ZNF407: variants seen among roughly 807,000 people sequenced by gnomAD.
ZNF407 encodes zinc finger protein 407.
A neutral mutation model predicts 131.2 loss-of-function variants in ZNF407; 17 were observed. The observed-to-expected ratio is 0.13, with a 90% CI of 0.09 to 0.19. The LOEUF is 0.19. Among genes scored for constraint, ZNF407 ranks in the 10% least tolerant of loss-of-function variants. The pLI, the probability that ZNF407 is intolerant of heterozygous loss-of-function variation, is 1.00. For missense variants in ZNF407, 2,681 were observed against 2,830.6 expected, an observed-to-expected ratio of 0.95 and a Z score of 1.20; for synonymous variants, 1,156 against 1,062.0, an observed-to-expected ratio of 1.09 and a Z score of -1.72.
intron 5 of ZNF407, among the ~76,000 whole-genome samples, chr18:74,878,397 G>A (rs1178590612): frequency 2.0e-5 from 3 of 152,156 alleles, no homozygotes; most frequent in East Asian, 3.9e-4. Flanking sequence ...CAAGCAGTTT[G>A]TGGGAAGCCC....
chr18:75,041,645 C>CAG (rs1272749464), intron 8 of ZNF407, among the ~76,000 whole-genome samples: 4 of 151,934 alleles, frequency 2.6e-5, no homozygotes, highest in African/African-American at 9.7e-5. Context: ...CACACACACA[C>CAG]ACACACACAC....
At chr18:74,878,499 G>A (rs1971190782) in intron 5 of ZNF407, among the ~76,000 whole-genome samples, 1 of 152,148 alleles carries the variant, frequency 6.6e-6, no homozygotes, top group Admixed American at 6.5e-5. Flanking sequence ...CAGATGAAAA[G>A]CCAGTGCAGA....
At chr18:74,793,674 AG>A (rs1475723782) in intron 4 of ZNF407, among the ~76,000 whole-genome samples, 1 of 152,214 alleles carries the variant, frequency 6.6e-6, no homozygotes. Flanking sequence ...TAACTTGAGC[AG>A]CTATTCAACT....
In ZNF407 at chr18:74,802,990, A is replaced by G. The variant is rs184375858; in HGVS notation, c.4877+21488A>G. ...TTTCAGGGTATCTCAGGCCATATAG[A>G]ATTCAAAAGTTATAAATTTGGAGTG... On this transcript the variant is annotated intron_variant, in intron 4 of 8. Transcript: ENST00000299687. Among the ~76,000 whole-genome samples, 13 of 152,102 alleles carry G rather than the reference A, an allele frequency of 8.5e-5. No individual in the cohort carries two copies. The East Asian group carries it at 2.5e-3, about 29-fold the overall frequency.
intron 1 of ZNF407, among the ~76,000 whole-genome samples, chr18:74,623,717 TC>T (rs1983666392): frequency 6.6e-6 from 1 of 151,840 alleles, no homozygotes; most frequent in Admixed American, 6.6e-5. Context: ...CTTTTTTTTT[TC>T]TTTTAAATCA....
chr18:74,842,937 G>A (rs977976498), intron 4 of ZNF407, among the ~76,000 whole-genome samples: 6 of 151,914 alleles, frequency 3.9e-5, no homozygotes, highest in Non-Finnish European at 8.8e-5. Context: ...GGCTTCTCTC[G>A]AACTCCTGAC....
chr18:74,823,028 G>C (rs1186907917), intron 4 of ZNF407, among the ~76,000 whole-genome samples: 2 of 152,076 alleles, frequency 1.3e-5, no homozygotes, highest in African/African-American at 4.8e-5. Context: ...TCTTTGTAGC[G>C]ATTGTGAATG....
chr18:74,692,646 T>C (rs972897295), intron 3 of ZNF407, among the ~76,000 whole-genome samples: 1 of 152,160 alleles, frequency 6.6e-6, no homozygotes, highest in Non-Finnish European at 1.5e-5. Context: ...TAGCGGTAGC[T>C]GATACCTCAC....
chr18:74,939,605 G>T (rs1972074925), intron 8 of ZNF407, among the ~76,000 whole-genome samples: 1 of 152,168 alleles, frequency 6.6e-6, no homozygotes, highest in South Asian at 2.1e-4. Flanking sequence ...ACAGTGAGAT[G>T]CCCCTTTTTA....
At chr18:74,982,604 G>A (rs1052665639) in intron 8 of ZNF407, among the ~76,000 whole-genome samples, 2 of 152,168 alleles carry the variant, frequency 1.3e-5, no homozygotes, top group Non-Finnish European at 2.9e-5. Flanking sequence ...TACTCCAGTG[G>A]CCAGTAATCA....
intron 7 of ZNF407, among the ~76,000 whole-genome samples, chr18:74,904,482 G>A (rs1971569223): frequency 6.6e-6 from 1 of 152,222 alleles, no homozygotes; most frequent in African/African-American, 2.4e-5. Flanking sequence ...GTGGGTGACA[G>A]TCCAGCTTAG....
At chr18:74,675,530 T>C (rs1255428741) in intron 3 of ZNF407, among the ~76,000 whole-genome samples, 2 of 152,100 alleles carry the variant, frequency 1.3e-5, no homozygotes, top group African/African-American at 4.8e-5. Context: ...AGTAGTAGAG[T>C]CAAACAAAGA....
intron 3 of ZNF407, among the ~76,000 whole-genome samples, chr18:74,767,966 C>G (rs1969279994): frequency 6.6e-6 from 1 of 151,740 alleles, no homozygotes; most frequent in Non-Finnish European, 1.5e-5. Flanking sequence ...CGCCCTGCCC[C>G]TGAGTTCTCA....
chr18:74,632,811 T>G lies in ZNF407; in HGVS notation c.1792T>G (p.Leu598Val). 6.2e-7 allele frequency: 1 copy of G among 1,613,962 alleles called. No individual in the cohort carries two copies. The highest frequency in any genetic ancestry group is 8.5e-7 in the Non-Finnish European group (1 of 1,179,882). The change falls in exon 2 of 9, where the codon TTG becomes GTG. Residue 598 changes from leucine (L) to valine (V), a missense_variant. By Grantham distance (32) the Leu-to-Val change is conservative. Around this residue, in one of 6 missense-constraint regions of ZNF407, gnomAD observed 1,789 missense variants for 1,748.7 expected, o/e 1.02. Transcript: ENST00000299687. Reference sequence around the variant, plus strand: ...TTGTCAGTGTTGTTCATTTATATCCTTGGATGAAATAAATCTTAGAGACCA... The same window carrying G: ...TTGTCAGTGTTGTTCATTTATATCCGTGGATGAAATAAATCTTAGAGACCA... ...LSCQCCSFIS[L>V]DEINLRDHMK...
At chr18:74,617,934 C>T (rs1448019703) in intron 1 of ZNF407, among the ~76,000 whole-genome samples, 14 of 152,138 alleles carry the variant, frequency 9.2e-5, no homozygotes, top group African/African-American at 3.1e-4. Context: ...CTCCAGCACT[C>T]CCTCCATTTT....
At chr18:74,837,144 A>G (rs1970570159) in intron 4 of ZNF407, among the ~76,000 whole-genome samples, 1 of 152,222 alleles carries the variant, frequency 6.6e-6, no homozygotes, top group Non-Finnish European at 1.5e-5. Context: ...ATGTGTTGAA[A>G]GTGTATTTAC....
chr18:74,683,517 T>C (rs1967033132), intron 3 of ZNF407, among the ~76,000 whole-genome samples: 1 of 152,210 alleles, frequency 6.6e-6, no homozygotes, highest in Non-Finnish European at 1.5e-5. Context: ...GTCTGAATTT[T>C]GAGATGCTAT....
intron 1 of ZNF407, among the ~76,000 whole-genome samples, chr18:74,617,664 AG>A (rs1267433738): frequency 3.9e-5 from 6 of 152,174 alleles, no homozygotes; most frequent in African/African-American, 1.4e-4. Context: ...TGCCCTTCTC[AG>A]GGGGTCACGT....
intron 8 of ZNF407, among the ~76,000 whole-genome samples, chr18:74,976,730 G>T (rs1233014612): frequency 6.6e-6 from 1 of 152,348 alleles, no homozygotes; most frequent in South Asian, 2.1e-4. Flanking sequence ...GCCCACTGGA[G>T]CCCCTTCGGA....
Sources: gnomAD v4.1 joint callset for allele counts (sites outside exome capture counted in the v4.1 genomes callset) on GRCh38, gnomAD v4.1.1 for gene constraint, gnomAD v4.1.1 regional missense constraint, MANE v1.5 for transcripts, NCBI Gene and HGNC (gene_info 2026-07-23, HGNC 2026-07-21) for gene names.